SEC63: variants seen among roughly 807,000 people sequenced by gnomAD.
SEC63 encodes the protein SEC63 protein translocation regulator.
Under a neutral mutation model 116.2 loss-of-function variants are expected in SEC63, and 56 were observed. That is an observed-to-expected ratio of 0.48 (90% CI 0.39 to 0.60). The LOEUF is 0.60. Among genes scored for constraint, SEC63 ranks in the 20% least tolerant of loss-of-function variants. SEC63 has a pLI of 0.00. For missense variants in SEC63, 668 were observed against 900.0 expected (o/e 0.74, Z 3.30); for synonymous variants, 273 against 294.6 (o/e 0.93, Z 0.75).
At chr6:107,925,961 G>A (rs1019919314) in intron 2 of SEC63, among the ~76,000 whole-genome samples, 4 of 152,122 alleles carry the variant, frequency 2.6e-5, no homozygotes, top group Admixed American at 1.3e-4. Flanking sequence ...GAAACTACAA[G>A]CACATGCCAC....
chr6:107,912,730 T>C lies in SEC63; in HGVS notation c.559A>G (p.Lys187Glu), dbSNP rs750227287. Reference protein sequence around the residue: ...IALPAWIVDQKNSILVLLVYG... With the variant: ...IALPAWIVDQENSILVLLVYG... ...AATGCACTCACCAGAATTGAGTTTT[T>C]CTGGTCAACTATCCAAGCTGGCAGG... is the stretch of plus-strand genomic sequence containing the variant. Residue 187 changes from lysine (K) to glutamate (E), a missense_variant, in exon 6 of 21, where the codon AAA becomes GAA. Physicochemically the swap from Lys to Glu is moderately conservative, Grantham distance 56. Transcript: ENST00000369002. 1.2e-6 allele frequency: 2 copies of C among 1,610,218 alleles called. No individual in the cohort carries two copies.
chr6:107,935,747 C>T (rs1307884137), intron 1 of SEC63, among the ~76,000 whole-genome samples: 3 of 151,044 alleles, frequency 2.0e-5, no homozygotes, highest in African/African-American at 4.9e-5. Flanking sequence ...TATGACCCTG[C>T]CAACTCCCCC....
chr6:107,907,389 C>T (rs1787170194), intron 8 of SEC63, among the ~76,000 whole-genome samples: 1 of 151,966 alleles, frequency 6.6e-6, no homozygotes, highest in South Asian at 2.1e-4. Context: ...TGAGACCAAG[C>T]TGGCCAAAAT....
At chr6:107,879,595 G>A (rs1786364106) in intron 18 of SEC63, among the ~76,000 whole-genome samples, 2 of 152,144 alleles carry the variant, frequency 1.3e-5, no homozygotes. Context: ...AAAGTGCTGG[G>A]ATTACAGGCA....
intron 18 of SEC63, among the ~76,000 whole-genome samples, chr6:107,879,724 CTTTTTTTTTTTTT>C (rs67569380): frequency 7.9e-6 from 1 of 126,720 alleles, no homozygotes. Flanking sequence ...TGATTTTTAT[CTTTTTTTTTTTTT>C]TTTTTGAGAC....
intron 13 of SEC63, among the ~76,000 whole-genome samples, chr6:107,900,972 CATAA>C (rs1347979305): frequency 6.6e-6 from 1 of 152,096 alleles, no homozygotes; most frequent in Admixed American, 6.5e-5. Context: ...ATTTAATTAA[CATAA>C]ATAAGTTGGG....
rs1223970383 is a variant in SEC63, at chr6:107,883,038, T to G, written c.1783A>C (p.Arg595=). ...SQSEKDDGSD[R]DSDREQDEKQ... ...TCATCTTGCTCTCTATCAGAGTCTC[T>G]GTCACTACCATCATCTTTCTCACTT... is the stretch of plus-strand genomic sequence containing the variant. Residue 595 remains arginine (R), a synonymous_variant, in exon 17 of 21, where the codon AGA becomes CGA. Transcript: ENST00000369002. The G allele has an allele frequency of 6.2e-7, 1 of 1,613,108 alleles. No homozygotes were observed. The highest frequency in any genetic ancestry group is 2.2e-5 in the East Asian group (1 of 44,778).
chr6:107,958,101 G>A lies in SEC63; in HGVS notation c.-92C>T. 1 of 1,572,484 alleles carries A rather than the reference G, an allele frequency of 6.4e-7. No homozygotes were observed. The highest frequency in any genetic ancestry group is 8.7e-7 in the Non-Finnish European group (1 of 1,154,462). ...CCAACGCCCCGGCCCGAGTGGCGTA[G>A]CTTGGACACTGCCGCCGCCGCCTCT... is the stretch of plus-strand genomic sequence containing the variant. On this transcript the variant is annotated 5_prime_UTR_variant, in exon 1 of 21. Coordinates refer to ENST00000369002, the MANE Select transcript of SEC63 (RefSeq NM_007214.5).
chr6:107,901,018 T>A (rs950040914), intron 13 of SEC63, among the ~76,000 whole-genome samples: 2 of 152,228 alleles, frequency 1.3e-5, no homozygotes, highest in African/African-American at 4.8e-5. Flanking sequence ...ACTAGGCAGC[T>A]ATTTCTTTCA....
intron 1 of SEC63, among the ~76,000 whole-genome samples, chr6:107,938,888 GA>G (rs1415987935): frequency 6.6e-6 from 1 of 152,118 alleles, no homozygotes; most frequent in African/African-American, 2.4e-5. Context: ...TTATAATACC[GA>G]AATATGCTTC....
chr6:107,896,467 C>T (rs1368534965), intron 14 of SEC63, among the ~76,000 whole-genome samples: 2 of 151,724 alleles, frequency 1.3e-5, no homozygotes, highest in East Asian at 3.9e-4. Flanking sequence ...TAGACTCCAT[C>T]TCAAAAAAAA....
intron 1 of SEC63, chr6:107,930,202 A>T (rs1787768875): frequency 1.8e-5 from 1 of 56,468 alleles, no homozygotes; most frequent in Non-Finnish European, 3.4e-5. Context: ...TTTTTTGTAG[A>T]AACTGGGTCT....
intron 19 of SEC63, among the ~76,000 whole-genome samples, chr6:107,874,307 C>G (rs982911294): frequency 6.6e-6 from 1 of 152,028 alleles, no homozygotes; most frequent in Non-Finnish European, 1.5e-5. Context: ...TAAAAAAGAA[C>G]AAGGAAGCCG....
chr6:107,949,132 C>T (rs891960407), intron 1 of SEC63, among the ~76,000 whole-genome samples: 1 of 152,120 alleles, frequency 6.6e-6, no homozygotes, highest in African/African-American at 2.4e-5. Context: ...TAAACTAATG[C>T]ATTTAAAAGA....
At position 107,921,790 on chromosome 6, in the gene SEC63, T is replaced by C; in HGVS notation, c.452+7A>G. 6.5e-6 allele frequency: 10 copies of C among 1,544,800 alleles called. No homozygotes were observed. The highest frequency in any genetic ancestry group is 1.4e-5 in the African/African-American group (1 of 73,448). On this transcript the variant is annotated splice_region_variant and intron_variant, in intron 4 of 20. Transcript: ENST00000369002. Reference sequence around the variant, plus strand: ...CTTAAAAATTTGTAATGGATCCTGATACTTACGCAGCATAAGCTTTTGCTA... The same window carrying C: ...CTTAAAAATTTGTAATGGATCCTGACACTTACGCAGCATAAGCTTTTGCTA...
In SEC63 at chr6:107,924,865, G is replaced by A. The variant is rs768568123; in HGVS notation, c.292C>T (p.Arg98Ter). Residue 98 changes from arginine (R) to a stop codon, truncating the protein, a stop_gained, in exon 3 of 21, where the codon CGA becomes TGA. Coordinates refer to ENST00000369002, the MANE Select transcript of SEC63 (RefSeq NM_007214.5). LOFTEE classifies it high-confidence loss of function. ...FLAYKVSKTD[R>*]EYQEYNPYEV... Reference sequence around the variant, plus strand: ...TAAGGATTGTATTCTTGGTATTCTCGGTCTGTTTTGGAAACTTTATATGCA... The same window carrying A: ...TAAGGATTGTATTCTTGGTATTCTCAGTCTGTTTTGGAAACTTTATATGCA... 6 of 1,599,294 alleles carry A rather than the reference G, an allele frequency of 3.8e-6. No individual in the cohort carries two copies. Among genetic ancestry groups the A allele is most frequent in the Non-Finnish European group, 5.1e-6 (6 of 1,166,928 alleles).
At chr6:107,889,537 G>C (rs1265971971) in intron 16 of SEC63, among the ~76,000 whole-genome samples, 1 of 151,816 alleles carries the variant, frequency 6.6e-6, no homozygotes, top group Non-Finnish European at 1.5e-5. Context: ...CAAAAAACTA[G>C]CTCCTTGGAT....
At chr6:107,907,739 G>A (rs922531121) in intron 8 of SEC63, among the ~76,000 whole-genome samples, 6 of 152,124 alleles carry the variant, frequency 3.9e-5, no homozygotes, top group Admixed American at 1.3e-4. Context: ...CTGACACACA[G>A]CAAGCACAGT....
intron 3 of SEC63, among the ~76,000 whole-genome samples, chr6:107,922,442 G>T (rs908327392): frequency 2.6e-5 from 4 of 152,214 alleles, no homozygotes; most frequent in African/African-American, 9.7e-5. Flanking sequence ...GGAGGTAGAG[G>T]CTGCAGTGAG....
Sources: allele counts gnomAD v4.1 joint callset (sites outside exome capture counted in the v4.1 genomes callset), GRCh38; gene constraint gnomAD v4.1.1; transcripts MANE v1.5; gene names NCBI Gene and HGNC (gene_info 2026-07-23, HGNC 2026-07-21).